CTNNA2: variants seen among roughly 807,000 people sequenced by gnomAD.
CTNNA2 encodes catenin alpha-2.
A neutral mutation model predicts 101.0 loss-of-function variants in CTNNA2; 42 were observed. The ratio of observed to expected loss-of-function variants is 0.42; its 90% CI spans 0.32 to 0.54. CTNNA2 has a LOEUF of 0.54. Ranked by LOEUF, CTNNA2 falls within the 20% of genes least tolerant of loss-of-function variation. The probability of loss-of-function intolerance (pLI) is 0.14; values close to 1 mark genes in which losing one functional copy is unlikely to be tolerated. For synonymous variants in CTNNA2, 450 were observed against 456.4 expected (o/e 0.99, Z 0.18); for missense variants, 871 against 1,223.1 (o/e 0.71, Z 4.29).
At chr2:79,250,084 G>A (rs1221652714) in intron 2 of CTNNA2, among the ~76,000 whole-genome samples, 12 of 152,152 alleles carry the variant, frequency 7.9e-5, no homozygotes, top group Admixed American at 6.5e-4. Flanking sequence ...AGCCTTGATG[G>A]TTAGAAAAGC....
intron 4 of CTNNA2, among the ~76,000 whole-genome samples, chr2:79,382,538 A>T (rs1172420208): frequency 6.6e-6 from 1 of 152,214 alleles, no homozygotes; most frequent in East Asian, 1.9e-4. Context: ...AATGGAAGTT[A>T]CTGAAGAGCA....
chr2:79,594,397 T>C (rs1196369266), intron 1 of CTNNA2, among the ~76,000 whole-genome samples: 1 of 152,224 alleles, frequency 6.6e-6, no homozygotes, highest in East Asian at 1.9e-4. Flanking sequence ...ATTTAACTTC[T>C]CTTTGTTATT....
At chr2:79,962,944 G>T (rs1432709065) in intron 7 of CTNNA2, among the ~76,000 whole-genome samples, 1 of 151,150 alleles carries the variant, frequency 6.6e-6, no homozygotes, top group African/African-American at 2.4e-5. Flanking sequence ...AGTGGCGGGC[G>T]CCTGTAGTCC....
chr2:79,718,778 A>G (rs1686275389), intron 2 of CTNNA2, among the ~76,000 whole-genome samples: 1 of 151,228 alleles, frequency 6.6e-6, no homozygotes, highest in African/African-American at 2.4e-5. Context: ...TCAATAGGAG[A>G]GTTGGTAAAT....
At chr2:79,271,232 A>G (rs2104301112) in intron 2 of CTNNA2, among the ~76,000 whole-genome samples, 1 of 152,150 alleles carries the variant, frequency 6.6e-6, no homozygotes, top group Non-Finnish European at 1.5e-5. Flanking sequence ...TTTTTATTGC[A>G]ATATCATGAT....
chr2:79,205,666 T>A (rs556471397), intron 2 of CTNNA2, among the ~76,000 whole-genome samples: 52 of 152,280 alleles, frequency 3.4e-4, no homozygotes, highest in Non-Finnish European at 8.8e-5. Flanking sequence ...AAAGCATAGG[T>A]CCTCATTTCC....
intron 12 of CTNNA2, among the ~76,000 whole-genome samples, chr2:80,560,696 T>C (rs1693506450): frequency 1.3e-5 from 2 of 152,142 alleles, no homozygotes; most frequent in Non-Finnish European, 2.9e-5. Context: ...CTGCTTTACA[T>C]CTGTTTATTG....
At chr2:80,257,991 G>A (rs1034594443) in intron 7 of CTNNA2, among the ~76,000 whole-genome samples, 20 of 152,320 alleles carry the variant, frequency 1.3e-4, no homozygotes, top group African/African-American at 3.1e-4. Context: ...TGCACACTGC[G>A]CAAAGTAAGG....
chr2:79,482,606 G>A (rs1671120949), intron 4 of CTNNA2, among the ~76,000 whole-genome samples: 1 of 152,040 alleles, frequency 6.6e-6, no homozygotes, highest in South Asian at 2.1e-4. Flanking sequence ...GCATCATATT[G>A]TTCCAGTTCC....
intron 2 of CTNNA2, among the ~76,000 whole-genome samples, chr2:79,729,368 G>T (rs1687063582): frequency 6.6e-6 from 1 of 152,056 alleles, no homozygotes; most frequent in Admixed American, 6.6e-5. Flanking sequence ...TTTTCAGAAT[G>T]GGAAGCTGAG....
intron 2 of CTNNA2, among the ~76,000 whole-genome samples, chr2:79,233,026 T>G (rs574635213): frequency 6.6e-6 from 1 of 152,290 alleles, no homozygotes; most frequent in Admixed American, 6.5e-5. Context: ...ACTGATCATT[T>G]GTGTGGACTT....
intron 2 of CTNNA2, among the ~76,000 whole-genome samples, chr2:79,237,494 A>T (rs186661000): frequency 2.0e-5 from 3 of 152,332 alleles, no homozygotes; most frequent in Non-Finnish European, 4.4e-5. Context: ...TTAGCCCTTA[A>T]CAAATTAGTC....
At chr2:80,622,864 A>AC (rs35385414) in intron 18 of CTNNA2, among the ~76,000 whole-genome samples, 21,637 of 151,572 alleles carry the variant, frequency 0.14, 2,007 homozygotes, top group Non-Finnish European at 0.21. Context: ...TAGTAAGTAA[A>AC]CAAGGACTCA....
In CTNNA2 at chr2:79,967,105, C is replaced by T. The variant is rs556918991; in HGVS notation, c.1056+57308C>T. On this transcript the variant is annotated intron_variant, in intron 7 of 18. Coordinates refer to ENST00000402739, the MANE Select transcript of CTNNA2 (RefSeq NM_001282597.3). The stretch of plus-strand genomic sequence containing the variant: ...CTGTGCTCAAGCCTATGCGTGCACA[C>T]ACGCGCACGCACGTGTGTGTGTGTG... Among the ~76,000 whole-genome samples, 3 of 75,752 alleles carry T rather than the reference C, an allele frequency of 4.0e-5. No homozygotes were observed. In the South Asian group the frequency reaches 2.1e-3, roughly 53 times the overall value. 49.7% of individuals were successfully genotyped at this position (75,752 alleles called of 152,430 possible). A position where few individuals can be genotyped will look rare whatever the true frequency, so the allele number is the denominator to read the frequency against.
intron 1 of CTNNA2, among the ~76,000 whole-genome samples, chr2:79,624,899 T>C (rs1434552065): frequency 6.6e-6 from 1 of 152,144 alleles, no homozygotes; most frequent in East Asian, 1.9e-4. Flanking sequence ...AATGTATCCC[T>C]TGTTCTTGTC....
chr2:79,280,482 C>G (rs996559502), intron 2 of CTNNA2, among the ~76,000 whole-genome samples: 1 of 151,956 alleles, frequency 6.6e-6, no homozygotes, highest in Non-Finnish European at 1.5e-5. Context: ...AAAAAATATC[C>G]CCGGAGCAGG....
chr2:79,819,024 G>C (rs915136670), intron 3 of CTNNA2, among the ~76,000 whole-genome samples: 1 of 149,080 alleles, frequency 6.7e-6, no homozygotes, highest in Non-Finnish European at 1.5e-5. Flanking sequence ...CTGTCACCCA[G>C]GCTGGAGTGT....
chr2:80,179,711 T>C (rs1705644947), intron 7 of CTNNA2, among the ~76,000 whole-genome samples: 1 of 152,184 alleles, frequency 6.6e-6, no homozygotes, highest in Admixed American at 6.5e-5. Context: ...TCCTTGATGA[T>C]GGCACTGATC....
chr2:80,120,888 G>T (rs1460856206), intron 7 of CTNNA2, among the ~76,000 whole-genome samples: 1 of 152,202 alleles, frequency 6.6e-6, no homozygotes, highest in Non-Finnish European at 1.5e-5. Context: ...TATGTCCCAT[G>T]TGCCTCAATG....
Sources: allele counts gnomAD v4.1 joint callset (sites outside exome capture counted in the v4.1 genomes callset), GRCh38; gene constraint gnomAD v4.1.1; transcripts MANE v1.5; gene names NCBI Gene and HGNC (gene_info 2026-07-23, HGNC 2026-07-21).